SLC10A6: variants seen among roughly 807,000 people sequenced by gnomAD.
SLC10A6 encodes the protein sodium-dependent organic anion transporter.
Under a neutral mutation model 30.0 loss-of-function variants are expected in SLC10A6, and 27 were observed. The ratio of observed to expected loss-of-function variants is 0.90; its 90% CI spans 0.66 to 1.24. The LOEUF (loss-of-function observed/expected upper bound fraction) is 1.24. Ranked by LOEUF, SLC10A6 falls within the 50% of genes most tolerant of loss-of-function variation. SLC10A6 has a pLI of 0.00. For synonymous variants in SLC10A6, 166 were observed against 173.8 expected, an observed-to-expected ratio of 0.95 and a Z score of 0.36; for missense variants, 439 against 457.0, an observed-to-expected ratio of 0.96 and a Z score of 0.36.
At chr4:86,843,861 T>C (rs1746348702) in intron 1 of SLC10A6, among the ~76,000 whole-genome samples, 1 of 152,070 alleles carries the variant, frequency 6.6e-6, no homozygotes, top group Non-Finnish European at 1.5e-5. Flanking sequence ...CAGCTCACGA[T>C]GTAGGAATGC....
intron 5 of SLC10A6, among the ~76,000 whole-genome samples, chr4:86,824,475 T>G (rs1745942338): frequency 6.6e-6 from 1 of 152,222 alleles, no homozygotes; most frequent in African/African-American, 2.4e-5. Context: ...TAATCAGTTC[T>G]ATCAGTAATC....
chr4:86,838,485 A>T (rs761707911), intron 1 of SLC10A6, among the ~76,000 whole-genome samples: 1 of 152,246 alleles, frequency 6.6e-6, no homozygotes, highest in Non-Finnish European at 1.5e-5. Flanking sequence ...CACTGGTGCT[A>T]TGGAAATATT....
intron 3 of SLC10A6, among the ~76,000 whole-genome samples, chr4:86,829,753 T>TA (rs538009328): frequency 2.0e-5 from 3 of 152,066 alleles, no homozygotes; most frequent in Non-Finnish European, 4.4e-5. Context: ...TTTTTTTTTT[T>TA]ACTAAGGTAG....
intron 3 of SLC10A6, 26 bp downstream of exon 3, chr4:86,831,766 C>T (rs1560458933): frequency 6.3e-7 from 1 of 1,591,328 alleles, no homozygotes; most frequent in African/African-American, 1.3e-5. Flanking sequence ...TGAGGACGTG[C>T]CAACAGTGGC....
intron 2 of SLC10A6, among the ~76,000 whole-genome samples, chr4:86,832,372 AG>A (rs1345341897): frequency 6.6e-6 from 1 of 152,136 alleles, no homozygotes; most frequent in Non-Finnish European, 1.5e-5. Flanking sequence ...TGGGAGGCCA[AG>A]GTGGGTGGAC....
chr4:86,831,907 G>A, intron 2 of SLC10A6, 27 bp from the exon 3 acceptor site: 2 of 1,585,490 alleles, frequency 1.3e-6, no homozygotes, highest in Non-Finnish European at 1.7e-6. Flanking sequence ...TCCATGAGAG[G>A]GTTTTCCCTC....
chr4:86,837,577 C>A (rs1247700145), intron 1 of SLC10A6: 1 of 985,094 alleles, frequency 1.0e-6, no homozygotes, highest in Admixed American at 6.1e-5. Flanking sequence ...CCTTACCCCA[C>A]TTTTTGGTGC....
intron 3 of SLC10A6, among the ~76,000 whole-genome samples, chr4:86,830,819 G>A (rs566779903): frequency 6.6e-6 from 1 of 152,086 alleles, no homozygotes; most frequent in Non-Finnish European, 1.5e-5. Flanking sequence ...CTTTATAAAT[G>A]TAAAATATAA....
chr4:86,835,496 G>A (rs760648877), intron 1 of SLC10A6, among the ~76,000 whole-genome samples: 1 of 152,068 alleles, frequency 6.6e-6, no homozygotes, highest in Non-Finnish European at 1.5e-5. Flanking sequence ...GTGAAACCCT[G>A]TCTCTACTAA....
chr4:86,838,717 G>A (rs1746241382), intron 1 of SLC10A6, among the ~76,000 whole-genome samples: 1 of 152,026 alleles, frequency 6.6e-6, no homozygotes, highest in Non-Finnish European at 1.5e-5. Context: ...GAGGTCAGGA[G>A]TTCGAGACCA....
At position 86,849,367 on chromosome 4, in the gene SLC10A6, A is replaced by T. The variant is rs1746447138; in HGVS notation, c.-252T>A. The T allele has an allele frequency of 4.1e-6, 2 of 482,292 alleles. No individual in the cohort carries two copies. The highest frequency in any genetic ancestry group is 3.9e-5 in the African/African-American group (2 of 51,506). The allele number at this position is 482,292 out of a possible 1,614,324, so 29.9% of individuals were successfully genotyped here. On this transcript the variant is annotated 5_prime_UTR_variant, in exon 1 of 6. Transcript: ENST00000273905. The stretch of plus-strand genomic sequence containing the variant: ...AGGCTTTCCACTTCTGTTCTTACTC[A>T]CCACTGAATATGTATGTGAGATGAG...
Position 86,823,575 on chromosome 4 carries a change from T to C in SLC10A6, c.*113A>G, listed in dbSNP as rs1745918035. 2.3e-5 allele frequency: 18 copies of C among 786,734 alleles called. No homozygotes were observed. In the South Asian group the frequency reaches 2.8e-4, roughly 12 times the overall value. The allele number at this position is 786,734 out of a possible 1,614,324, so 48.7% of individuals were successfully genotyped here. A position where few individuals can be genotyped will look rare whatever the true frequency, so the allele number is the denominator to read the frequency against. On this transcript the variant is annotated 3_prime_UTR_variant, in exon 6 of 6. Transcript: ENST00000273905. ...ACATGAAAATATAAATATTCTAACATTGAACACTTAAATATTCACACTGGC... is the reference window on the plus strand; with the variant it reads ...ACATGAAAATATAAATATTCTAACACTGAACACTTAAATATTCACACTGGC...
At position 86,828,068 on chromosome 4, in the gene SLC10A6, A is replaced by T. The variant is rs1208134242; in HGVS notation, c.686T>A (p.Ile229Asn). 6.2e-7 allele frequency: 1 copy of T among 1,613,878 alleles called. No homozygotes were observed. The highest frequency in any genetic ancestry group is 8.5e-7 in the Non-Finnish European group (1 of 1,179,934). Residue 229 changes from isoleucine (I) to asparagine (N), a missense_variant, in exon 4 of 6, where the codon ATC (isoleucine) becomes AAC (asparagine). By Grantham distance (149) the Ile-to-Asn change is moderately radical (BLOSUM62 -3). Coordinates refer to ENST00000273905, the MANE Select transcript of SLC10A6 (RefSeq NM_197965.3). ...GCCAATCAAAGGAAAGATGAAACTG[A>T]TGGTCAGAAGGGTGATGTCTGAATT... Reference protein sequence around the residue: ...SWNSDITLLTISFIFPLIGHV... With the variant: ...SWNSDITLLTNSFIFPLIGHV...
At chr4:86,841,405 A>G (rs977480221) in intron 1 of SLC10A6, among the ~76,000 whole-genome samples, 7 of 152,230 alleles carry the variant, frequency 4.6e-5, no homozygotes, top group African/African-American at 7.2e-5. Flanking sequence ...AGTACAGTGG[A>G]AAGTCACGCC....
intron 1 of SLC10A6, among the ~76,000 whole-genome samples, chr4:86,842,874 C>CTTTCTTTCTTTCTTTCTTT (rs1560461934): frequency 1.6e-4 from 7 of 42,774 alleles, no homozygotes; most frequent in Non-Finnish European, 2.8e-4. Context: ...TTCTTTCTTT[C>CTTTCTTTCTTTCTTTCTTT]TTTTTTTTTT....
chr4:86,837,881 C>T (rs545474074), intron 1 of SLC10A6, among the ~76,000 whole-genome samples: 79 of 152,328 alleles, frequency 5.2e-4, no homozygotes, highest in African/African-American at 1.8e-3. Context: ...GACTGCCCTC[C>T]TGCTCTACAA....
chr4:86,843,712 G>A (rs957571410), intron 1 of SLC10A6, among the ~76,000 whole-genome samples: 5 of 152,124 alleles, frequency 3.3e-5, no homozygotes, highest in African/African-American at 1.2e-4. Flanking sequence ...GCAGCTCCTT[G>A]AGCAGGGACT....
chr4:86,826,190 G>A (rs1175094019), intron 4 of SLC10A6, among the ~76,000 whole-genome samples: 6 of 152,084 alleles, frequency 3.9e-5, no homozygotes, highest in Admixed American at 2.0e-4. Flanking sequence ...AGACCACCCT[G>A]GGCAACAGAG....
At chr4:86,829,388 G>A (rs1746043980) in intron 3 of SLC10A6, among the ~76,000 whole-genome samples, 1 of 152,064 alleles carries the variant, frequency 6.6e-6, no homozygotes, top group Non-Finnish European at 1.5e-5. Context: ...TCCAGCCTGG[G>A]TGACAGAGCA....
Sources: allele counts gnomAD v4.1 joint callset (sites outside exome capture counted in the v4.1 genomes callset), GRCh38; gene constraint gnomAD v4.1.1; transcripts MANE v1.5; gene names NCBI Gene and HGNC (gene_info 2026-07-23, HGNC 2026-07-21).